Variants in TMEM135 observed in about 807,000 individuals in gnomAD.
TMEM135 encodes the protein transmembrane protein 135.
Under a neutral mutation model 60.3 loss-of-function variants are expected in TMEM135, and 30 were observed. The ratio of observed to expected loss-of-function variants is 0.50; its 90% CI spans 0.37 to 0.68. The LOEUF (loss-of-function observed/expected upper bound fraction) is 0.68. TMEM135 is among the 30% of genes least tolerant of loss of function. The probability of loss-of-function intolerance (pLI) is 0.00; values close to 1 mark genes in which losing one functional copy is unlikely to be tolerated. For synonymous variants in TMEM135, 190 were observed against 186.7 expected (o/e 1.02, Z -0.14); for missense variants, 468 against 548.8 (o/e 0.85, Z 1.47).
rs1461519623 is a variant in TMEM135, at chr11:87,038,105, C to G, written c.60C>G (p.His20Gln). 4 of 1,614,064 alleles carry G rather than the reference C, an allele frequency of 2.5e-6. No homozygotes were observed. The highest frequency in any genetic ancestry group is 3.3e-5 in the Admixed American group (2 of 60,010). Reference protein sequence around the residue: ...HNCYEIGHTWHPSCRVSFLQI... With the variant: ...HNCYEIGHTWQPSCRVSFLQI... ...GCTATGAGATCGGCCACACTTGGCA[C>G]CCTTCCTGCCGGGTCTCCTTCCTGC... The change falls in exon 1 of 15, where the codon CAC (histidine) becomes CAG (glutamine). Residue 20 changes from histidine to glutamine, a missense_variant. By Grantham distance (24) the His-to-Gln change is conservative. Transcript: ENST00000305494.
At position 87,327,670 on chromosome 11, in the gene TMEM135, T is replaced by G; in HGVS notation, c.*6337T>G. 1 of 453,984 alleles carries G rather than the reference T, an allele frequency of 2.2e-6. No homozygotes were observed. Among genetic ancestry groups the G allele is most frequent in the Non-Finnish European group, 4.4e-6 (1 of 226,774 alleles). The allele number at this position is 453,984 out of a possible 1,614,324, so 28.1% of individuals were successfully genotyped here. A position where few individuals can be genotyped will look rare whatever the true frequency, so the allele number is the denominator to read the frequency against. ...CCTGGAGACCTTGGGATGCTGGTGG[T>G]CTGGCTCAGTACAAGTCCAAAAGCC... On this transcript the variant is annotated 3_prime_UTR_variant, in exon 15 of 15. Coordinates refer to ENST00000305494, the MANE Select transcript of TMEM135 (RefSeq NM_022918.4).
Position 87,328,539 on chromosome 11 carries a change from G to T in TMEM135, c.*7206G>T, listed in dbSNP as rs891891614. 2.2e-6 allele frequency: 1 copy of T among 453,958 alleles called. No homozygotes were observed. The highest frequency in any genetic ancestry group is 4.4e-6 in the Non-Finnish European group (1 of 226,778). 28.1% of individuals were successfully genotyped at this position (453,958 alleles called of 1,614,324 possible). A position where few individuals can be genotyped will look rare whatever the true frequency, so the allele number is the denominator to read the frequency against. On this transcript the variant is annotated 3_prime_UTR_variant, in exon 15 of 15. Transcript: ENST00000305494. ...TCTCCATAGTCCATTATATCACTCT[G>T]TATACCCTTGTGTATCCATAGCTTA... is the stretch of plus-strand genomic sequence containing the variant.
At chr11:87,272,701 A>G (rs1008006580) in intron 6 of TMEM135, among the ~76,000 whole-genome samples, 6 of 152,050 alleles carry the variant, frequency 3.9e-5, no homozygotes, top group African/African-American at 1.4e-4. Context: ...GGCTCAAGCA[A>G]TTCTCCTGTT....
intron 5 of TMEM135, among the ~76,000 whole-genome samples, chr11:87,210,780 A>T (rs1322630201): frequency 2.0e-5 from 3 of 152,186 alleles, no homozygotes; most frequent in East Asian, 3.8e-4. Context: ...ATCCAGCAGC[A>T]CATCAAAGAA....
chr11:87,229,513 T>G (rs76548723), intron 5 of TMEM135, among the ~76,000 whole-genome samples: 257 of 152,294 alleles, frequency 1.7e-3, no homozygotes, highest in African/African-American at 5.9e-3. Flanking sequence ...TACTTTCATA[T>G]GCTGTTGTGG....
chr11:87,302,267 A>T, intron 7 of TMEM135, 29 bp from the exon 8 acceptor site: 1 of 1,609,338 alleles, frequency 6.2e-7, no homozygotes. Flanking sequence ...TTAAGTGAAA[A>T]ATGCCTCACA....
At chr11:87,053,198 A>T (rs1170233290) in intron 1 of TMEM135, among the ~76,000 whole-genome samples, 2 of 151,226 alleles carry the variant, frequency 1.3e-5, no homozygotes, top group Non-Finnish European at 2.9e-5. Flanking sequence ...TAGCAAAAAA[A>T]AAAAAAAAGT....
At chr11:87,203,032 C>CAAAAAAAAAAAAAAAAAAAA (rs534909524) in intron 5 of TMEM135, among the ~76,000 whole-genome samples, 2 of 33,568 alleles carry the variant, frequency 6.0e-5, no homozygotes, top group African/African-American at 1.8e-4. Flanking sequence ...GACTCCGTCT[C>CAAAAAAAAAAAAAAAAAAAA]AAAAAAAAAA....
At chr11:87,230,740 G>T (rs1000078734) in intron 5 of TMEM135, among the ~76,000 whole-genome samples, 2 of 151,974 alleles carry the variant, frequency 1.3e-5, no homozygotes, top group African/African-American at 4.8e-5. Flanking sequence ...TTTTTGCAGT[G>T]ATGAGAATGA....
At chr11:87,310,576 TAACA>T (rs1375444949) in intron 10 of TMEM135, among the ~76,000 whole-genome samples, 3 of 148,270 alleles carry the variant, frequency 2.0e-5, no homozygotes, top group Admixed American at 1.4e-4. Flanking sequence ...TATACCCCTG[TAACA>T]AACCTGCATA....
intron 7 of TMEM135, among the ~76,000 whole-genome samples, chr11:87,298,381 T>C (rs1029485842): frequency 2.0e-5 from 3 of 152,200 alleles, no homozygotes. Flanking sequence ...CATGAAAACA[T>C]ACATTGTTCT....
chr11:87,285,734 C>A (rs370882962), intron 6 of TMEM135, among the ~76,000 whole-genome samples: 1 of 152,192 alleles, frequency 6.6e-6, no homozygotes, highest in African/African-American at 2.4e-5. Context: ...GAAGGGGACC[C>A]GAGCAGGTTG....
intron 6 of TMEM135, among the ~76,000 whole-genome samples, chr11:87,282,380 C>T (rs1222086381): frequency 1.3e-5 from 2 of 151,968 alleles, no homozygotes; most frequent in Non-Finnish European, 1.5e-5. Context: ...TTCTCCTGTC[C>T]CAGCCTCCCA....
intron 5 of TMEM135, among the ~76,000 whole-genome samples, chr11:87,223,037 G>A (rs961338098): frequency 6.6e-6 from 1 of 152,054 alleles, no homozygotes; most frequent in African/African-American, 2.4e-5. Flanking sequence ...GATAGGTTAT[G>A]GTCAGTTGTT....
At chr11:87,066,822 C>G (rs1856672173) in intron 1 of TMEM135, among the ~76,000 whole-genome samples, 1 of 143,300 alleles carries the variant, frequency 7.0e-6, no homozygotes, top group Non-Finnish European at 1.5e-5. Context: ...CACTCTGTTG[C>G]CAGGCTAGAG....
At chr11:87,106,161 T>C (rs1362873366) in intron 4 of TMEM135, among the ~76,000 whole-genome samples, 1 of 151,758 alleles carries the variant, frequency 6.6e-6, no homozygotes, top group Non-Finnish European at 1.5e-5. Context: ...TGGAGTGCAG[T>C]GGGGTGATCT....
chr11:87,278,801 T>C (rs4456273), intron 6 of TMEM135, among the ~76,000 whole-genome samples: 55,608 of 147,644 alleles, frequency 0.38, 10,830 homozygotes, highest in Non-Finnish European at 0.44. Flanking sequence ...CAGAATATTT[T>C]CATCATTCTT....
At position 87,102,704 on chromosome 11, in the gene TMEM135, G is replaced by GTA. The variant is rs150671908; in HGVS notation, c.396+11317_396+11318dup. 1.5e-4 allele frequency among the ~76,000 whole-genome samples: 20 copies of GTA among 131,652 alleles called. No individual in the cohort carries two copies. In the South Asian group the frequency reaches 1.8e-3, roughly 12 times the overall value. 86.4% of individuals were successfully genotyped at this position (131,652 alleles called of 152,430 possible). ...TATATATGTGTGTGTATATATATAT[G>GTA]TATATATATGTATATATATATATGT... On this transcript the variant is annotated intron_variant, in intron 4 of 14. Transcript: ENST00000305494.
intron 5 of TMEM135, among the ~76,000 whole-genome samples, chr11:87,226,904 CT>C (rs1257526339): frequency 6.6e-6 from 1 of 152,114 alleles, no homozygotes; most frequent in Non-Finnish European, 1.5e-5. Context: ...CAAAAATTAG[CT>C]GGGTGTGGTG....
Sources: allele counts gnomAD v4.1 joint callset (sites outside exome capture counted in the v4.1 genomes callset), GRCh38; gene constraint gnomAD v4.1.1; transcripts MANE v1.5; gene names NCBI Gene and HGNC (gene_info 2026-07-23, HGNC 2026-07-21).